TM9SF4: variants seen among roughly 807,000 people sequenced by gnomAD.
The protein encoded by TM9SF4 is transmembrane 9 superfamily member 4.
A neutral mutation model predicts 90.4 loss-of-function variants in TM9SF4; 26 were observed. The ratio of observed to expected loss-of-function variants is 0.29; its 90% CI spans 0.21 to 0.40. The LOEUF (loss-of-function observed/expected upper bound fraction) is 0.40, where lower values mean the gene tolerates loss of function less well. Among genes scored for constraint, TM9SF4 ranks in the 10% least tolerant of loss-of-function variants. TM9SF4 has a pLI of 1.00. For synonymous variants in TM9SF4, 293 were observed against 315.4 expected, an observed-to-expected ratio of 0.93 and a Z score of 0.75; for missense variants, 549 against 834.8, an observed-to-expected ratio of 0.66 and a Z score of 4.22.
At chr20:32,161,055 A>T in intron 16 of TM9SF4, 1 of 279,096 alleles carries the variant, frequency 3.6e-6, no homozygotes, top group African/African-American at 2.3e-5. Flanking sequence ...TTTTTTAATG[A>T]GGTATAAACT....
chr20:32,165,164 C>G, intron 17 of TM9SF4, 131 bp from the exon 18 acceptor site: 1 of 1,222,162 alleles, frequency 8.2e-7, no homozygotes, highest in South Asian at 1.4e-5. Flanking sequence ...CCGCTTGCCA[C>G]CCACTGGAGC....
rs1351161054 is a variant in TM9SF4 at position 32,165,913 on chromosome 20, C to CT, written c.*470dup. 6.1e-6 allele frequency: 1 copy of CT among 162,762 alleles called. No homozygotes were observed. Among genetic ancestry groups the CT allele is most frequent in the Non-Finnish European group, 1.4e-5 (1 of 73,844 alleles). The allele number at this position is 162,762 out of a possible 1,614,324, so 10.1% of individuals were successfully genotyped here. On this transcript the variant is annotated 3_prime_UTR_variant, in exon 18 of 18. Transcript: ENST00000398022. Reference sequence around the variant, plus strand: ...GAGCTTCAGTGAGGTTTCCGAGCCTCTCCCTGCCCATCCTCACCACTGAGG... The same window carrying CT: ...GAGCTTCAGTGAGGTTTCCGAGCCTCTTCCCTGCCCATCCTCACCACTGAGG...
intron 1 of TM9SF4, among the ~76,000 whole-genome samples, chr20:32,119,734 A>G (rs1005195016): frequency 4.6e-5 from 7 of 152,004 alleles, no homozygotes; most frequent in Admixed American, 2.6e-4. Context: ...TGTATCTAAG[A>G]CATTTTTGCC....
intron 13 of TM9SF4, among the ~76,000 whole-genome samples, chr20:32,156,892 C>T (rs2046930200): frequency 6.6e-6 from 1 of 151,500 alleles, no homozygotes; most frequent in African/African-American, 2.4e-5. Flanking sequence ...CAGGCGTGAG[C>T]CACTGTACCC....
At chr20:32,125,108 C>CACGGTG (rs2046400248) in intron 1 of TM9SF4, among the ~76,000 whole-genome samples, 1 of 152,116 alleles carries the variant, frequency 6.6e-6, no homozygotes, top group African/African-American at 2.4e-5. Flanking sequence ...TCACTCAGCT[C>CACGGTG]ACGGTGACGG....
chr20:32,112,107 A>C (rs947661974), intron 1 of TM9SF4, among the ~76,000 whole-genome samples: 2 of 152,336 alleles, frequency 1.3e-5, no homozygotes, highest in African/African-American at 4.8e-5. Context: ...GTCTAAGCAC[A>C]GTGGAAGGGA....
At chr20:32,147,826 C>G (rs935711961) in intron 9 of TM9SF4, among the ~76,000 whole-genome samples, 1 of 149,406 alleles carries the variant, frequency 6.7e-6, no homozygotes. Context: ...GCACTCCAGC[C>G]TGGGCAACAA....
chr20:32,132,010 C>T (rs1447303003), intron 1 of TM9SF4, among the ~76,000 whole-genome samples: 3 of 152,154 alleles, frequency 2.0e-5, no homozygotes, highest in Non-Finnish European at 4.4e-5. Flanking sequence ...AGATAAGGGA[C>T]TAGAGAAATG....
rs1256583845 is a variant in TM9SF4 at position 32,128,908 on chromosome 20, C to A, written c.16-4105C>A. Reference sequence around the variant, plus strand: ...GGTGGGAGGTGCTGCTGGAAAGGCACTGGGGCCGGTGGGTGGAAGTTCCTC... The same window carrying A: ...GGTGGGAGGTGCTGCTGGAAAGGCAATGGGGCCGGTGGGTGGAAGTTCCTC... On this transcript the variant is annotated intron_variant, in intron 1 of 17. Transcript: ENST00000398022. 2.0e-5 allele frequency among the ~76,000 whole-genome samples: 3 copies of A among 151,750 alleles called. No homozygotes were observed. In the East Asian group the frequency reaches 5.8e-4, roughly 29 times the overall value.
At position 32,141,580 on chromosome 20, in the gene TM9SF4, A is replaced by G; in HGVS notation, c.313A>G (p.Ser105Gly). The G allele has an allele frequency of 6.2e-7, 1 of 1,614,134 alleles. No homozygotes were observed. The highest frequency in any genetic ancestry group is 8.5e-7 in the Non-Finnish European group (1 of 1,180,020). Residue 105 changes from serine to glycine, a missense_variant, in exon 4 of 18, where the codon AGC (serine) becomes GGC (glycine). Transcript: ENST00000398022. ...NSEKKCEVLC[S>G]QSNKPVTLTV... ...CGAGAAGAAGTGTGAAGTTCTGTGC[A>G]GCCAGTCCAACAAGCCAGTGACCCT...
rs370263581 is a variant in TM9SF4 at position 32,158,425 on chromosome 20, A to T, written c.1506-26A>T. The stretch of plus-strand genomic sequence containing the variant: ...GCTTCCTGGTGGCCTGGTCTCTAAC[A>T]ATGTCAACCTCTCGTTCTGTGGCAG... On this transcript the variant is annotated intron_variant, in intron 14 of 17. Coordinates refer to ENST00000398022, the MANE Select transcript of TM9SF4 (RefSeq NM_014742.4). 3 of 1,613,864 alleles carry T rather than the reference A, an allele frequency of 1.9e-6. No individual in the cohort carries two copies. The African/African-American group carries it at 4.0e-5, about 22-fold the overall frequency.
At chr20:32,148,515 C>G (rs1460427177) in intron 9 of TM9SF4, among the ~76,000 whole-genome samples, 1 of 151,974 alleles carries the variant, frequency 6.6e-6, no homozygotes, top group East Asian at 1.9e-4. Context: ...CCCAGGAGTT[C>G]AAGACCAGCC....
At chr20:32,146,325 G>C (rs1317315449) in intron 8 of TM9SF4, among the ~76,000 whole-genome samples, 1 of 152,172 alleles carries the variant, frequency 6.6e-6, no homozygotes. Flanking sequence ...CCCAGAGTGA[G>C]CCTCGAAGCA....
intron 15 of TM9SF4, 67 bp from the exon 16 acceptor site, chr20:32,159,925 G>A: frequency 6.2e-7 from 1 of 1,606,026 alleles, no homozygotes. Context: ...CCTTGTGACA[G>A]GTTGGTGTGC....
chr20:32,157,114 AT>A (rs567455558), intron 13 of TM9SF4, among the ~76,000 whole-genome samples: 2 of 147,100 alleles, frequency 1.4e-5, no homozygotes, highest in Non-Finnish European at 1.5e-5. Flanking sequence ...TGCCCGGCTA[AT>A]TTTTTTTTTG....
rs561165053 is a variant in TM9SF4, at chr20:32,136,805, G to A, written c.229+632G>A. On this transcript the variant is annotated intron_variant, in intron 3 of 17. Coordinates refer to ENST00000398022, the MANE Select transcript of TM9SF4 (RefSeq NM_014742.4). Reference sequence around the variant, plus strand: ...CTCCTCTGTGACTGTGTTAGGTCCTGGAGATAAAAGCATGGAAAGGTGTCT... The same window carrying A: ...CTCCTCTGTGACTGTGTTAGGTCCTAGAGATAAAAGCATGGAAAGGTGTCT... 8.5e-6 allele frequency: 4 copies of A among 469,944 alleles called. No homozygotes were observed. The Admixed American group carries it at 9.4e-5, about 11-fold the overall frequency. The allele number at this position is 469,944 out of a possible 1,614,324, so 29.1% of individuals were successfully genotyped here.
intron 17 of TM9SF4, among the ~76,000 whole-genome samples, chr20:32,161,688 A>T (rs1012973292): frequency 6.6e-6 from 1 of 152,358 alleles, no homozygotes; most frequent in African/African-American, 2.4e-5. Context: ...AGGAAATAAG[A>T]GGGACTAATA....
At position 32,109,927 on chromosome 20, in the gene TM9SF4, C is replaced by T. The variant is rs1205192841; in HGVS notation, c.15+172C>T. 2.1e-6 allele frequency: 3 copies of T among 1,443,352 alleles called. No homozygotes were observed. The African/African-American group carries it at 4.3e-5, about 21-fold the overall frequency. The allele number at this position is 1,443,352 out of a possible 1,614,324, so 89.4% of individuals were successfully genotyped here. ...CCCGAAATCCACCTCCCTGGCCCTG[C>T]CCCTGCACTCAGGCTTGTGAAGGCC... On this transcript the variant is annotated intron_variant, in intron 1 of 17. Transcript: ENST00000398022.
chr20:32,138,285 CTT>C (rs2046622003), intron 3 of TM9SF4, among the ~76,000 whole-genome samples: 1 of 152,052 alleles, frequency 6.6e-6, no homozygotes, highest in Admixed American at 6.6e-5. Context: ...ACCCTGGACT[CTT>C]TGGGAGGCTC....
Sources: gnomAD v4.1 joint callset for allele counts (sites outside exome capture counted in the v4.1 genomes callset) on GRCh38, gnomAD v4.1.1 for gene constraint, MANE v1.5 for transcripts, NCBI Gene and HGNC (gene_info 2026-07-23, HGNC 2026-07-21) for gene names.